Variants in AMPD3 observed in about 807,000 individuals in gnomAD.
AMPD3 encodes AMP deaminase 3.
AMPD3 carries 57 observed loss-of-function variants against 82.3 expected under a neutral mutation model. That is an observed-to-expected ratio of 0.69 (90% CI 0.56 to 0.86). AMPD3 has a LOEUF of 0.86. Among genes scored for constraint, AMPD3 ranks in the 40% least tolerant of loss-of-function variants. The pLI, the probability that AMPD3 is intolerant of heterozygous loss-of-function variation, is 0.00. For synonymous variants in AMPD3, 381 were observed against 394.7 expected (o/e 0.97, Z 0.41); for missense variants, 870 against 1,003.8 (o/e 0.87, Z 1.80).
chr11:10,476,846 G>C (rs1848752881), intron 2 of AMPD3: 2 of 907,396 alleles, frequency 2.2e-6, no homozygotes, highest in Non-Finnish European at 2.6e-6. Context: ...ATTTGATGGA[G>C]GACAGACCAG....
At chr11:10,471,343 A>G (rs1038575761) in intron 2 of AMPD3, among the ~76,000 whole-genome samples, 7 of 152,234 alleles carry the variant, frequency 4.6e-5, no homozygotes, top group African/African-American at 1.7e-4. Flanking sequence ...TAAGACCTAA[A>G]CCATAAAAAC....
At chr11:10,468,437 A>T (rs1467947219) in intron 2 of AMPD3, among the ~76,000 whole-genome samples, 1 of 152,232 alleles carries the variant, frequency 6.6e-6, no homozygotes, top group African/African-American at 2.4e-5. Context: ...GCATTACATA[A>T]TGGTAAAGGG....
At position 10,482,095 on chromosome 11, in the gene AMPD3, G is replaced by A. The variant is rs752821070; in HGVS notation, c.459G>A (p.Lys153=). 3.8e-5 allele frequency: 61 copies of A among 1,614,208 alleles called. 3 individuals carry two copies. In the South Asian group the frequency reaches 6.0e-4, roughly 16 times the overall value. Residue 153 remains lysine (K), a synonymous_variant, in exon 4 of 15, where the codon AAG becomes AAA. Transcript: ENST00000396553. The stretch of plus-strand genomic sequence containing the variant: ...TGGAGGACTATGAGCAGGCAGCCAA[G>A]AGTCTGGCCAAGGCCCTAATGATCC... ...ITLEDYEQAA[K]SLAKALMIRE...
chr11:10,469,899 G>A (rs1399152897), intron 2 of AMPD3, among the ~76,000 whole-genome samples: 3 of 151,024 alleles, frequency 2.0e-5, no homozygotes, highest in Non-Finnish European at 2.9e-5. Flanking sequence ...AATTAGCCGG[G>A]CGTAGTGGCG....
At chr11:10,477,530 A>T (rs2133874436) in intron 2 of AMPD3, among the ~76,000 whole-genome samples, 1 of 152,344 alleles carries the variant, frequency 6.6e-6, no homozygotes, top group East Asian at 1.9e-4. Flanking sequence ...AGGTAGAGTC[A>T]TCACAAATCA....
At chr11:10,497,226 G>A (rs1179515515) in intron 10 of AMPD3, among the ~76,000 whole-genome samples, 13 of 152,138 alleles carry the variant, frequency 8.5e-5, no homozygotes, top group Non-Finnish European at 4.4e-5. Context: ...CTGGGAACTC[G>A]GTTCCTGCCA....
intron 4 of AMPD3, chr11:10,484,542 G>A: frequency 1.0e-6 from 1 of 973,758 alleles, no homozygotes; most frequent in Non-Finnish European, 1.2e-6. Flanking sequence ...GACTGTTCTA[G>A]ACACTCAGCA....
chr11:10,451,086 C>T (rs370358027), upstream of AMPD3: 2 of 1,555,988 alleles, frequency 1.3e-6, no homozygotes, highest in South Asian at 1.2e-5. Flanking sequence ...GGGCCAGCCC[C>T]GCGGACCCTG....
chr11:10,505,930 T>A lies in AMPD3; in HGVS notation c.*46T>A. The A allele has an allele frequency of 6.2e-7, 1 of 1,607,558 alleles. No individual in the cohort carries two copies. Among genetic ancestry groups the A allele is most frequent in the Non-Finnish European group, 8.5e-7 (1 of 1,175,336 alleles). On this transcript the variant is annotated 3_prime_UTR_variant, in exon 15 of 15. Transcript: ENST00000396553. ...TTTAACTTTTTGGTTCAATTTCAAGTCTGCTGTGGCTAATAGTGGTCAAGA... is the reference window on the plus strand; with the variant it reads ...TTTAACTTTTTGGTTCAATTTCAAGACTGCTGTGGCTAATAGTGGTCAAGA...
chr11:10,493,062 G>A (rs772719386), intron 6 of AMPD3, among the ~76,000 whole-genome samples: 1 of 152,186 alleles, frequency 6.6e-6, no homozygotes, highest in Non-Finnish European at 1.5e-5. Context: ...TCTTGAGACT[G>A]ATGGGCCCAT....
At chr11:10,473,522 G>C (rs1848652237) in intron 2 of AMPD3, 3 of 985,374 alleles carry the variant, frequency 3.0e-6, no homozygotes, top group Non-Finnish European at 3.6e-6. Context: ...GGGAGAGACA[G>C]AGGGTGGGGC....
intron 12 of AMPD3, 198 bp downstream of exon 12, chr11:10,501,788 GA>G: frequency 1.0e-6 from 1 of 984,964 alleles, no homozygotes; most frequent in South Asian, 4.7e-5. Flanking sequence ...TGGAGAAATG[GA>G]AAAAAGCCAG....
intron 7 of AMPD3, 29 bp from the exon 8 acceptor site, chr11:10,494,870 G>C (rs760439372): frequency 6.2e-7 from 1 of 1,606,426 alleles, no homozygotes; most frequent in Admixed American, 1.7e-5. Flanking sequence ...GCAGAACGAT[G>C]CGTTGATTGG....
At chr11:10,497,594 G>T in intron 10 of AMPD3, 1 of 985,438 alleles carries the variant, frequency 1.0e-6, no homozygotes, top group East Asian at 1.1e-4. Flanking sequence ...GAGGGCTGGG[G>T]CACGGGGAAA....
At chr11:10,460,218 C>A (rs976617203) in intron 1 of AMPD3, among the ~76,000 whole-genome samples, 2 of 151,582 alleles carry the variant, frequency 1.3e-5, no homozygotes, top group Non-Finnish European at 2.9e-5. Context: ...CTGCCTCAGC[C>A]TCCCTAGCAG....
At chr11:10,497,774 A>AG in intron 10 of AMPD3, 9 of 984,964 alleles carry the variant, frequency 9.1e-6, no homozygotes, top group Non-Finnish European at 9.6e-6. Flanking sequence ...ACAGGAGGGG[A>AG]GCTTGACCCA....
intron 13 of AMPD3, among the ~76,000 whole-genome samples, chr11:10,503,620 A>G (rs1221328779): frequency 1.3e-5 from 2 of 152,324 alleles, no homozygotes; most frequent in Non-Finnish European, 2.9e-5. Flanking sequence ...AAATTTTAAA[A>G]TATTTATTAT....
At chr11:10,486,081 G>T (rs1849059926) in intron 5 of AMPD3, among the ~76,000 whole-genome samples, 1 of 152,188 alleles carries the variant, frequency 6.6e-6, no homozygotes, top group African/African-American at 2.4e-5. Flanking sequence ...CAGAACTAAG[G>T]CATGGGAAGG....
chr11:10,477,892 CA>C, intron 2 of AMPD3: 11 of 985,418 alleles, frequency 1.1e-5, no homozygotes, highest in Non-Finnish European at 1.3e-5. Context: ...TGCTGCCAGC[CA>C]TGGGGCCTAT....
Sources: gnomAD v4.1 joint callset for allele counts (sites outside exome capture counted in the v4.1 genomes callset) on GRCh38, gnomAD v4.1.1 for gene constraint, MANE v1.5 for transcripts, NCBI Gene and HGNC (gene_info 2026-07-23, HGNC 2026-07-21) for gene names.